TTC21B: variants seen among roughly 807,000 people sequenced by gnomAD.
The protein encoded by TTC21B is tetratricopeptide repeat domain 21B.
A neutral mutation model predicts 175.1 loss-of-function variants in TTC21B; 127 were observed. The observed-to-expected ratio is 0.73, with a 90% CI of 0.63 to 0.84. The LOEUF (loss-of-function observed/expected upper bound fraction) is 0.84. TTC21B is among the 40% of genes least tolerant of loss of function. The probability of loss-of-function intolerance (pLI) is 0.00; values close to 1 mark genes in which losing one functional copy is unlikely to be tolerated. For synonymous variants in TTC21B, 524 were observed against 524.5 expected (o/e 1.00, Z 0.01); for missense variants, 1,561 against 1,558.3 (o/e 1.00, Z -0.03).
rs1685242171 is a variant in TTC21B at position 165,892,873 on chromosome 2, TTA to T, written c.2951-1887_2951-1886del. On this transcript the variant is annotated intron_variant, in intron 22 of 28. Coordinates refer to ENST00000243344, the MANE Select transcript of TTC21B (RefSeq NM_024753.5). ...AATGGTTAAGATGATGAATTTTGTG[TTA>T]TATATGTTTCACCACAATACAAAAT... Among the ~76,000 whole-genome samples the T allele has an allele frequency of 1.3e-5, 2 of 152,210 alleles. 1 individual carries two copies. Among genetic ancestry groups the T allele is most frequent in the Middle Eastern group, 6.3e-3 (2 of 316 alleles).
intron 3 of TTC21B, chr2:165,947,996 T>C (rs1559077762): frequency 6.6e-6 from 1 of 152,232 alleles, no homozygotes; most frequent in East Asian, 1.9e-4. Flanking sequence ...CTTCAATCTA[T>C]ACTAACTACA....
At chr2:165,918,917 T>C (rs1686283866) in intron 13 of TTC21B, among the ~76,000 whole-genome samples, 1 of 152,238 alleles carries the variant, frequency 6.6e-6, no homozygotes. Context: ...TTATTATCTT[T>C]ATACATAAAA....
chr2:165,917,522 C>T (rs202144462), intron 13 of TTC21B, 41 bp from the exon 14 acceptor site: 5 of 1,430,056 alleles, frequency 3.5e-6, no homozygotes, highest in Non-Finnish European at 4.9e-6. Flanking sequence ...GTGCTTACAA[C>T]ATCAACACAT....
chr2:165,950,728 A>T (rs534202793), intron 1 of TTC21B, among the ~76,000 whole-genome samples: 7 of 152,232 alleles, frequency 4.6e-5, no homozygotes, highest in African/African-American at 1.7e-4. Flanking sequence ...CTCCTGCCTC[A>T]GCCTCCTGAT....
intron 14 of TTC21B, among the ~76,000 whole-genome samples, chr2:165,915,900 A>G (rs1331027059): frequency 6.6e-6 from 1 of 152,228 alleles, no homozygotes; most frequent in Admixed American, 6.5e-5. Flanking sequence ...CAGAGATTAT[A>G]AGAATTCCAG....
intron 25 of TTC21B, among the ~76,000 whole-genome samples, chr2:165,885,192 A>C (rs1034807768): frequency 2.0e-5 from 3 of 152,162 alleles, no homozygotes; most frequent in African/African-American, 7.2e-5. Context: ...GTGACTGAGG[A>C]ACGGTGATAC....
At chr2:165,896,860 G>T (rs564754263) in intron 22 of TTC21B, among the ~76,000 whole-genome samples, 36 of 152,166 alleles carry the variant, frequency 2.4e-4, no homozygotes, top group Non-Finnish European at 4.6e-4. Flanking sequence ...TTGCAGCCAC[G>T]GAGGTGATAC....
In TTC21B at chr2:165,901,783, T is replaced by C; in HGVS notation, c.2696A>G (p.Asp899Gly). ...EIAKHSVAQR[D>G]YEKAIKFYRE... ...ATAAAACTTAATTGCTTTTTCATAG[T>C]CTCGCTGAGCAACAGAATGTTTTGC... The change falls in exon 20 of 29, where the codon GAC (aspartate) becomes GGC (glycine). Residue 899 changes from aspartate to glycine, a missense_variant. Coordinates refer to ENST00000243344, the MANE Select transcript of TTC21B (RefSeq NM_024753.5). 2 of 1,614,154 alleles carry C rather than the reference T, an allele frequency of 1.2e-6. No individual in the cohort carries two copies. The highest frequency in any genetic ancestry group is 2.2e-5 in the South Asian group (2 of 91,078).
chr2:165,949,489 G>A lies in TTC21B; in HGVS notation c.167C>T (p.Ala56Val). 6.2e-7 allele frequency: 1 copy of A among 1,613,758 alleles called. No individual in the cohort carries two copies. The highest frequency in any genetic ancestry group is 8.5e-7 in the Non-Finnish European group (1 of 1,179,798). ...GTLMEGKTQEALREFEAIKNK... is the reference protein window; with the variant it reads ...GTLMEGKTQEVLREFEAIKNK... ...TTTAATAGCCTCAAATTCTCGAAGA[G>A]CTTCTTGAGTTTTACCTGAAAATCA... is the stretch of plus-strand genomic sequence containing the variant. The change falls in exon 3 of 29, where the codon GCT becomes GTT. Residue 56 changes from alanine to valine, a missense_variant. Transcript: ENST00000243344.
At chr2:165,908,621 T>C (rs1342994385) in intron 18 of TTC21B, among the ~76,000 whole-genome samples, 5 of 152,116 alleles carry the variant, frequency 3.3e-5, no homozygotes, top group African/African-American at 1.2e-4. Context: ...ATTGCTAAAT[T>C]TAAAATGGGT....
In TTC21B at chr2:165,941,095, A is replaced by T; in HGVS notation, c.642T>A (p.Ala214=). Residue 214 remains alanine, a synonymous_variant, in exon 6 of 29, where the codon GCT becomes GCA. Coordinates refer to ENST00000243344, the MANE Select transcript of TTC21B (RefSeq NM_024753.5). ...GTTGTAATTTCATTTTCTTAACAAAAGCAGGAAGGAAGCTCGGAAAATTCA... is the reference window on the plus strand; with the variant it reads ...GTTGTAATTTCATTTTCTTAACAAATGCAGGAAGGAAGCTCGGAAAATTCA... ...IIVNFPSFLP[A]FVKKMKLQLA... 6.2e-7 allele frequency: 1 copy of T among 1,613,946 alleles called. No homozygotes were observed. Among genetic ancestry groups the T allele is most frequent in the Admixed American group, 1.7e-5 (1 of 59,982 alleles).
At chr2:165,953,628 C>A in intron 1 of TTC21B, 57 bp downstream of exon 1, 1 of 1,538,008 alleles carries the variant, frequency 6.5e-7, no homozygotes, top group African/African-American at 1.4e-5. Flanking sequence ...GGCCAAAAGG[C>A]CGCAAAGGAA....
chr2:165,950,107 C>T (rs1318591522), intron 1 of TTC21B, among the ~76,000 whole-genome samples: 1 of 112,998 alleles, frequency 8.8e-6, no homozygotes, highest in Non-Finnish European at 1.8e-5. Context: ...CTTCCATTGC[C>T]AGACCATAGG....
intron 15 of TTC21B, among the ~76,000 whole-genome samples, chr2:165,914,301 C>T (rs1484952395): frequency 6.6e-6 from 1 of 152,126 alleles, no homozygotes; most frequent in African/African-American, 2.4e-5. Flanking sequence ...GAAACAAAAC[C>T]TATACTTTTA....
rs150680697 is a variant in TTC21B at position 165,889,944 on chromosome 2, G to A, written c.3263+535C>T. On this transcript the variant is annotated intron_variant, in intron 24 of 28. Coordinates refer to ENST00000243344, the MANE Select transcript of TTC21B (RefSeq NM_024753.5). ...GAAGAGAGGACAAGCTACTAATGCAGGTTGATAAATAACCATTGACTAGCA... is the reference window on the plus strand; with the variant it reads ...GAAGAGAGGACAAGCTACTAATGCAAGTTGATAAATAACCATTGACTAGCA... 7.2e-3 allele frequency among the ~76,000 whole-genome samples: 1,097 copies of A among 152,170 alleles called. 12 individuals carry two copies. The highest frequency in any genetic ancestry group is 0.024 in the African/African-American group (1,002 of 41,518).
At position 165,924,689 on chromosome 2, in the gene TTC21B, C is replaced by T; in HGVS notation, c.1387-11G>A. The T allele has an allele frequency of 8.1e-6, 13 of 1,612,542 alleles. No individual in the cohort carries two copies. The highest frequency in any genetic ancestry group is 1.1e-5 in the Non-Finnish European group (13 of 1,179,108). ...CCCAGGACTTGCAGGCTAAACAAAA[C>T]AAATCAGCAGATCATTTTATAAGTG... On this transcript the variant is annotated splice_polypyrimidine_tract_variant and intron_variant, in intron 11 of 28. Coordinates refer to ENST00000243344, the MANE Select transcript of TTC21B (RefSeq NM_024753.5).
rs199622633 is a variant in TTC21B, at chr2:165,919,152, A to AT, written c.1674+123dup. ...TTTCCTCCTACTGCTTGTGAGTTCC[A>AT]TTTTTTTTTCCATTAAAAATGCAAC... On this transcript the variant is annotated intron_variant, in intron 13 of 28. Transcript: ENST00000243344. The AT allele has an allele frequency of 1.9e-3, 2,235 of 1,156,302 alleles. 1 individual carries two copies. Among genetic ancestry groups the AT allele is most frequent in the Non-Finnish European group, 2.3e-3 (1,790 of 782,458 alleles). The allele number at this position is 1,156,302 out of a possible 1,614,324, so 71.6% of individuals were successfully genotyped here.
rs1686551183 is a variant in TTC21B, at chr2:165,924,573, T to C, written c.1492A>G (p.Ile498Val). 6.2e-7 allele frequency: 1 copy of C among 1,613,646 alleles called. No homozygotes were observed. Among genetic ancestry groups the C allele is most frequent in the Non-Finnish European group, 8.5e-7 (1 of 1,179,768 alleles). ...CCTGACAAATATTTCACTTTTGCTA[T>C]TAGGAAGACTGTTTGCAGAAGACCT... The part of the protein sequence containing the change: ...VPGLLQTVFL[I>V]AKVKYLSGDI... Residue 498 changes from isoleucine to valine, a missense_variant, in exon 12 of 29, where the codon ATA becomes GTA. Transcript: ENST00000243344.
At position 165,915,438 on chromosome 2, in the gene TTC21B, T is replaced by C; in HGVS notation, c.1901A>G (p.His634Arg). The C allele has an allele frequency of 6.2e-7, 1 of 1,610,342 alleles. No individual in the cohort carries two copies. Among genetic ancestry groups the C allele is most frequent in the Non-Finnish European group, 8.5e-7 (1 of 1,176,550 alleles). The change falls in exon 15 of 29, where the codon CAT becomes CGT. Residue 634 changes from histidine to arginine, a missense_variant and splice_region_variant. Coordinates refer to ENST00000243344, the MANE Select transcript of TTC21B (RefSeq NM_024753.5). Reference sequence around the variant, plus strand: ...ATCTTGTAAAACTTTGGTTGCCTCATGCTGTAAAGATGAAATTAAAATAAT... The same window carrying C: ...ATCTTGTAAAACTTTGGTTGCCTCACGCTGTAAAGATGAAATTAAAATAAT... ...IDVHRLNGEQ[H>R]EATKVLQDAI...
Sources: allele counts gnomAD v4.1 joint callset (sites outside exome capture counted in the v4.1 genomes callset), GRCh38; gene constraint gnomAD v4.1.1; transcripts MANE v1.5; gene names NCBI Gene and HGNC (gene_info 2026-07-23, HGNC 2026-07-21).